MTHFD2L: variants seen among roughly 807,000 people sequenced by gnomAD.
MTHFD2L encodes bifunctional methylenetetrahydrofolate dehydrogenase/cyclohydrolase 2, mitochondrial.
A neutral mutation model predicts 34.9 loss-of-function variants in MTHFD2L; 29 were observed. That is an observed-to-expected ratio of 0.83 (90% CI 0.62 to 1.13). MTHFD2L has a LOEUF of 1.13. MTHFD2L is among the 50% of genes most tolerant of loss of function. The pLI is 0.00. For missense variants in MTHFD2L, 481 were observed against 446.5 expected (o/e 1.08, Z -0.70); for synonymous variants, 167 against 155.7 (o/e 1.07, Z -0.54).
intron 5 of MTHFD2L, among the ~76,000 whole-genome samples, chr4:74,214,175 G>A (rs776068657): frequency 4.0e-5 from 6 of 151,730 alleles, no homozygotes; most frequent in Admixed American, 6.6e-5. Flanking sequence ...TCTCAGAAGA[G>A]TTTGTTATTA....
chr4:74,244,153 G>C (rs1742094498), intron 6 of MTHFD2L, among the ~76,000 whole-genome samples: 1 of 152,016 alleles, frequency 6.6e-6, no homozygotes, highest in Non-Finnish European at 1.5e-5. Flanking sequence ...TAGATGAGTG[G>C]GTAGTCTTTG....
intron 3 of MTHFD2L, among the ~76,000 whole-genome samples, chr4:74,182,229 A>G (rs1013473228): frequency 2.6e-5 from 4 of 152,184 alleles, no homozygotes; most frequent in Non-Finnish European, 5.9e-5. Context: ...TCTGCCTTGT[A>G]TCTGTTAGAC....
intron 7 of MTHFD2L, 57 bp from the exon 8 acceptor site, chr4:74,301,640 T>C: frequency 4.6e-6 from 5 of 1,082,122 alleles, no homozygotes; most frequent in Non-Finnish European, 6.7e-6. Context: ...TTTAAAAATA[T>C]TAAAATCTCA....
chr4:74,261,625 T>A (rs1042388893), intron 6 of MTHFD2L, among the ~76,000 whole-genome samples: 5 of 152,100 alleles, frequency 3.3e-5, no homozygotes, highest in Non-Finnish European at 7.4e-5. Context: ...AAAAGCATTA[T>A]CTTATAAATA....
intron 3 of MTHFD2L, among the ~76,000 whole-genome samples, chr4:74,191,655 G>T (rs1578413300): frequency 1.3e-5 from 2 of 151,870 alleles, no homozygotes; most frequent in Admixed American, 6.6e-5. Flanking sequence ...GGTTCAAGCA[G>T]TTCTCCTGCC....
At chr4:74,227,549 A>G (rs1052472695) in intron 6 of MTHFD2L, among the ~76,000 whole-genome samples, 8 of 151,638 alleles carry the variant, frequency 5.3e-5, no homozygotes, top group African/African-American at 2.0e-4. Flanking sequence ...GTCCTTAGGC[A>G]GGAGCATGCT....
At chr4:74,211,242 G>A (rs1736264496) in intron 5 of MTHFD2L, among the ~76,000 whole-genome samples, 1 of 152,192 alleles carries the variant, frequency 6.6e-6, no homozygotes, top group African/African-American at 2.4e-5. Context: ...GGTGAGAGGA[G>A]GGGATCCTTG....
At chr4:74,136,027 TAAC>T (rs781292607) in intron 1 of MTHFD2L, among the ~76,000 whole-genome samples, 39 of 152,016 alleles carry the variant, frequency 2.6e-4, no homozygotes, top group Non-Finnish European at 5.0e-4. Flanking sequence ...ACAACACACT[TAAC>T]AAGGAAAAAT....
At chr4:74,138,841 G>A (rs962771400) in intron 1 of MTHFD2L, among the ~76,000 whole-genome samples, 1 of 152,150 alleles carries the variant, frequency 6.6e-6, no homozygotes, top group East Asian at 1.9e-4. Flanking sequence ...AAATGCCTGG[G>A]TTTATATCCC....
At chr4:74,151,166 A>G (rs938202597) in intron 1 of MTHFD2L, among the ~76,000 whole-genome samples, 2 of 152,152 alleles carry the variant, frequency 1.3e-5, no homozygotes, top group Non-Finnish European at 2.9e-5. Context: ...TATACAGTTA[A>G]TGGTATTATA....
intron 7 of MTHFD2L, among the ~76,000 whole-genome samples, chr4:74,282,846 C>G (rs538576156): frequency 2.5e-4 from 38 of 152,196 alleles, no homozygotes; most frequent in Non-Finnish European, 5.0e-4. Context: ...TACGTATATA[C>G]ATATGTCTGT....
chr4:74,253,521 A>G (rs1352766703), intron 6 of MTHFD2L, among the ~76,000 whole-genome samples: 1 of 152,192 alleles, frequency 6.6e-6, no homozygotes, highest in African/African-American at 2.4e-5. Context: ...ACCTTCCTCA[A>G]GCCTCCTGCT....
Position 74,265,242 on chromosome 4 carries a change from C to T in MTHFD2L, c.806-16183C>T, listed in dbSNP as rs577212198. 4.6e-5 allele frequency among the ~76,000 whole-genome samples: 7 copies of T among 152,212 alleles called. No individual in the cohort carries two copies. The South Asian group carries it at 1.5e-3, about 32-fold the overall frequency. ...ATTCATTTGTTTGTAATTCAACTGG[C>T]TTATTTATGTGTCTGCAAGTCTGCC... is the stretch of plus-strand genomic sequence containing the variant. On this transcript the variant is annotated intron_variant, in intron 6 of 7. Coordinates refer to ENST00000325278, the MANE Select transcript of MTHFD2L (RefSeq NM_001144978.3).
chr4:74,190,151 T>C (rs1452859359), intron 3 of MTHFD2L, among the ~76,000 whole-genome samples: 1 of 152,126 alleles, frequency 6.6e-6, no homozygotes, highest in Non-Finnish European at 1.5e-5. Context: ...AAGAAGCTTA[T>C]TAGAATTGGC....
chr4:74,144,387 AG>A (rs1723460430), intron 1 of MTHFD2L, among the ~76,000 whole-genome samples: 1 of 152,184 alleles, frequency 6.6e-6, no homozygotes, highest in Non-Finnish European at 1.5e-5. Context: ...CAGGAGGCAG[AG>A]GTTGCAATGA....
chr4:74,226,514 G>T (rs1739188468), intron 6 of MTHFD2L, among the ~76,000 whole-genome samples: 1 of 151,986 alleles, frequency 6.6e-6, no homozygotes, highest in African/African-American at 2.4e-5. Context: ...CTTTAAATTT[G>T]TTTGTGTTTT....
chr4:74,225,368 T>G lies in MTHFD2L; in HGVS notation c.779T>G (p.Leu260Arg), dbSNP rs771647249. ...PKEQLKIHTQ[L>R]ADIIIVAAGI... is the part of the protein sequence containing the mutation. Reference sequence around the variant, plus strand: ...GAGCAACTGAAGATTCATACGCAGCTGGCAGATATTATCATAGTTGCTGCA... The same window carrying G: ...GAGCAACTGAAGATTCATACGCAGCGGGCAGATATTATCATAGTTGCTGCA... Residue 260 changes from leucine to arginine, a missense_variant, in exon 6 of 8, where the codon CTG becomes CGG. By Grantham distance (102) the Leu-to-Arg change is moderately radical (BLOSUM62 -2). Coordinates refer to ENST00000325278, the MANE Select transcript of MTHFD2L (RefSeq NM_001144978.3). The G allele has an allele frequency of 6.2e-7, 1 of 1,613,104 alleles. No individual in the cohort carries two copies. The highest frequency in any genetic ancestry group is 8.5e-7 in the Non-Finnish European group (1 of 1,179,276).
chr4:74,216,489 A>T (rs1334803170), intron 5 of MTHFD2L, among the ~76,000 whole-genome samples: 2 of 151,840 alleles, frequency 1.3e-5, no homozygotes, highest in Non-Finnish European at 2.9e-5. Flanking sequence ...TTGGAATGAC[A>T]CCAGGACTTT....
chr4:74,179,889 G>A (rs1265085162), intron 3 of MTHFD2L, among the ~76,000 whole-genome samples: 1 of 151,914 alleles, frequency 6.6e-6, no homozygotes, highest in Non-Finnish European at 1.5e-5. Flanking sequence ...TCAGGTTGCG[G>A]TGTAACAGTG....
Sources: gnomAD v4.1 joint callset for allele counts (sites outside exome capture counted in the v4.1 genomes callset) on GRCh38, gnomAD v4.1.1 for gene constraint, MANE v1.5 for transcripts, NCBI Gene and HGNC (gene_info 2026-07-23, HGNC 2026-07-21) for gene names.